Variants in MACROD2 observed in about 807,000 individuals in gnomAD.
MACROD2 encodes ADP-ribose glycohydrolase MACROD2.
In MACROD2, 36 loss-of-function variants were observed where a neutral mutation model predicts 70.4. The observed-to-expected ratio is 0.51, with a 90% confidence interval of 0.39 to 0.68. The LOEUF (loss-of-function observed/expected upper bound fraction) is 0.68, where lower values mean the gene tolerates loss of function less well. Among genes scored for constraint, MACROD2 ranks in the 30% least tolerant of loss-of-function variants. The pLI, the probability that MACROD2 is intolerant of heterozygous loss-of-function variation, is 0.00. For synonymous variants in MACROD2, 172 were observed against 178.8 expected, an observed-to-expected ratio of 0.96 and a Z score of 0.30; for missense variants, 496 against 538.4, an observed-to-expected ratio of 0.92 and a Z score of 0.78.
At chr20:15,552,354 T>C (rs1233700767) in intron 8 of MACROD2, 2 of 152,220 alleles carry the variant, frequency 1.3e-5, no homozygotes, top group Non-Finnish European at 2.9e-5. Flanking sequence ...CTAGATCTGG[T>C]CCTCAGAGAA....
chr20:14,124,086 A>T (rs1391239932), intron 3 of MACROD2, among the ~76,000 whole-genome samples: 1 of 152,166 alleles, frequency 6.6e-6, no homozygotes. Flanking sequence ...AGCAAATGGC[A>T]GTCTTCAAAG....
intron 8 of MACROD2, among the ~76,000 whole-genome samples, chr20:15,667,487 G>GTATC (rs1417686962): frequency 1.8e-5 from 2 of 109,726 alleles, no homozygotes; most frequent in Non-Finnish European, 4.4e-5. Flanking sequence ...ATGTATCTAT[G>GTATC]TATCTATCTA....
At chr20:15,288,816 A>G (rs1010066212) in intron 6 of MACROD2, among the ~76,000 whole-genome samples, 1 of 152,014 alleles carries the variant, frequency 6.6e-6, no homozygotes, top group African/African-American at 2.4e-5. Context: ...ATCAAGTGGG[A>G]CAATTCCTCT....
At chr20:14,400,457 A>C (rs554983150) in intron 3 of MACROD2, among the ~76,000 whole-genome samples, 1 of 152,310 alleles carries the variant, frequency 6.6e-6, no homozygotes, top group East Asian at 1.9e-4. Flanking sequence ...TGTGCTGATC[A>C]GTACTAAGCT....
At position 15,601,370 on chromosome 20, in the gene MACROD2, C is replaced by T. The variant is rs80159684; in HGVS notation, c.645+101523C>T. Among the ~76,000 whole-genome samples the T allele has an allele frequency of 5.6e-3, 845 of 152,210 alleles. 8 individuals carry two copies. The highest frequency in any genetic ancestry group is 0.019 in the African/African-American group (800 of 41,520). ...CAAAACACCTCCACTTAAATGTGTG[C>T]GCCCATTCACCCATCCCAAATGGCA... On this transcript the variant is annotated intron_variant, in intron 8 of 17. Coordinates refer to ENST00000684519, the MANE Select transcript of MACROD2 (RefSeq NM_001351661.2).
In MACROD2 at chr20:14,652,044, A is replaced by G. The variant is rs558911886; in HGVS notation, c.302-32799A>G. ...AAGCCATAATAACTCTGGTTATTTG[A>G]CAGATATCAAGGCAGGGCAAAGAGA... is the stretch of plus-strand genomic sequence containing the variant. On this transcript the variant is annotated intron_variant, in intron 4 of 17. Transcript: ENST00000684519. 2.0e-5 allele frequency among the ~76,000 whole-genome samples: 3 copies of G among 152,334 alleles called. No homozygotes were observed. In the East Asian group the frequency reaches 5.8e-4, roughly 29 times the overall value.
intron 8 of MACROD2, among the ~76,000 whole-genome samples, chr20:15,569,684 G>A (rs576398075): frequency 3.3e-5 from 5 of 152,188 alleles, no homozygotes; most frequent in East Asian, 3.9e-4. Flanking sequence ...TTAGCATTAC[G>A]TCCTCCAGAT....
chr20:15,859,926 G>A (rs1022214555), intron 8 of MACROD2, among the ~76,000 whole-genome samples: 1 of 152,210 alleles, frequency 6.6e-6, no homozygotes, highest in Non-Finnish European at 1.5e-5. Flanking sequence ...ACGAGGTCAG[G>A]AGATCGAGAC....
chr20:14,731,154 G>T (rs1349229776), intron 5 of MACROD2, among the ~76,000 whole-genome samples: 2 of 151,912 alleles, frequency 1.3e-5, no homozygotes, highest in Non-Finnish European at 2.9e-5. Flanking sequence ...CTCAATCCTG[G>T]TAATAAAAGA....
At chr20:15,550,303 TAAG>T (rs1298017953) in intron 8 of MACROD2, among the ~76,000 whole-genome samples, 2 of 149,444 alleles carry the variant, frequency 1.3e-5, no homozygotes, top group Non-Finnish European at 3.0e-5. Context: ...ATATTTAAAA[TAAG>T]AAATATTTAA....
chr20:16,032,550 G>A lies in MACROD2; in HGVS notation c.1154-8651G>A, dbSNP rs564036683. Among the ~76,000 whole-genome samples, 105 of 150,296 alleles carry A rather than the reference G, an allele frequency of 7.0e-4. 1 individual carries two copies. Among genetic ancestry groups the A allele is most frequent in the Non-Finnish European group, 2.5e-4 (17 of 67,692 alleles). ...AAGAGGGGAGGGAAGGAGAAAGAAG[G>A]GAGGCAGGGAAGGAGAGAAGGAGAA... On this transcript the variant is annotated intron_variant, in intron 15 of 17. Coordinates refer to ENST00000684519, the MANE Select transcript of MACROD2 (RefSeq NM_001351661.2).
chr20:15,169,564 G>T (rs2076408913), intron 5 of MACROD2, among the ~76,000 whole-genome samples: 1 of 152,138 alleles, frequency 6.6e-6, no homozygotes, highest in African/African-American at 2.4e-5. Flanking sequence ...CACATCTCTG[G>T]GATGACCCAG....
At chr20:16,005,006 A>G (rs1048413538) in intron 15 of MACROD2, among the ~76,000 whole-genome samples, 2 of 152,252 alleles carry the variant, frequency 1.3e-5, no homozygotes, top group Non-Finnish European at 2.9e-5. Context: ...AAGCACATCC[A>G]TACACCTTAC....
chr20:15,200,075 T>TC (rs11480958), intron 5 of MACROD2, among the ~76,000 whole-genome samples: 1 of 151,976 alleles, frequency 6.6e-6, no homozygotes, highest in African/African-American at 2.4e-5. Context: ...ATTATCTTCT[T>TC]TCAAGAACCT....
At chr20:14,884,771 A>G (rs983053936) in intron 5 of MACROD2, among the ~76,000 whole-genome samples, 2 of 152,160 alleles carry the variant, frequency 1.3e-5, no homozygotes, top group Non-Finnish European at 2.9e-5. Flanking sequence ...ACCAGCGTTA[A>G]TATTGAAACA....
chr20:14,742,975 C>A (rs1489267046), intron 5 of MACROD2, among the ~76,000 whole-genome samples: 2 of 151,826 alleles, frequency 1.3e-5, no homozygotes, highest in African/African-American at 2.4e-5. Flanking sequence ...ACCGTTTTAG[C>A]CGGGATGGTC....
chr20:14,937,543 G>A (rs1387989992), intron 5 of MACROD2, among the ~76,000 whole-genome samples: 2 of 151,980 alleles, frequency 1.3e-5, no homozygotes, highest in Non-Finnish European at 2.9e-5. Context: ...TTGCTTTCCA[G>A]GCAATAATAA....
At chr20:15,001,564 G>T (rs567923667) in intron 5 of MACROD2, among the ~76,000 whole-genome samples, 5 of 151,904 alleles carry the variant, frequency 3.3e-5, no homozygotes, top group African/African-American at 9.7e-5. Flanking sequence ...TTGCAAGTAC[G>T]CTGCAATATG....
At chr20:15,748,372 C>A (rs1600837970) in intron 8 of MACROD2, among the ~76,000 whole-genome samples, 1 of 145,816 alleles carries the variant, frequency 6.9e-6, no homozygotes, top group Non-Finnish European at 1.5e-5. Context: ...TCCTTCCTCC[C>A]TTCCTTCTTT....
Sources: allele counts gnomAD v4.1 joint callset (sites outside exome capture counted in the v4.1 genomes callset), GRCh38; gene constraint gnomAD v4.1.1; transcripts MANE v1.5; gene names NCBI Gene and HGNC (gene_info 2026-07-23, HGNC 2026-07-21).